RBKS: variants seen among roughly 807,000 people sequenced by gnomAD.
The protein encoded by RBKS is ribokinase.
In RBKS, 33 loss-of-function variants were observed where a neutral mutation model predicts 33.9. That is an observed-to-expected ratio of 0.97 (90% CI 0.74 to 1.30). RBKS has a LOEUF of 1.30. Among genes scored for constraint, RBKS ranks in the 50% most tolerant of loss-of-function variants. RBKS has a pLI of 0.00. For synonymous variants in RBKS, 125 were observed against 143.0 expected (o/e 0.87, Z 0.90); for missense variants, 361 against 392.6 (o/e 0.92, Z 0.68).
chr2:27,834,454 G>C (rs576959568), intron 5 of RBKS, among the ~76,000 whole-genome samples: 40 of 152,268 alleles, frequency 2.6e-4, no homozygotes, highest in African/African-American at 8.9e-4. Flanking sequence ...CAAATGTAAA[G>C]GATTATTACT....
chr2:27,878,946 C>T (rs1664369269), intron 1 of RBKS, among the ~76,000 whole-genome samples: 1 of 152,200 alleles, frequency 6.6e-6, no homozygotes, highest in African/African-American at 2.4e-5. Flanking sequence ...AAAACCTAAG[C>T]ACCTCAGCAT....
intron 7 of RBKS, among the ~76,000 whole-genome samples, chr2:27,786,639 G>A (rs1057350709): frequency 1.9e-4 from 29 of 152,216 alleles, no homozygotes; most frequent in African/African-American, 6.7e-4. Flanking sequence ...AAAATTAGCC[G>A]GGCGTGGTGG....
At chr2:27,866,961 G>T (rs1362823061) in intron 1 of RBKS, among the ~76,000 whole-genome samples, 1 of 151,996 alleles carries the variant, frequency 6.6e-6, no homozygotes, top group African/African-American at 2.4e-5. Context: ...AAAATTAGCT[G>T]GGTATGGTGG....
chr2:27,812,934 A>T (rs1330350616), intron 7 of RBKS, among the ~76,000 whole-genome samples: 1 of 152,134 alleles, frequency 6.6e-6, no homozygotes, highest in East Asian at 1.9e-4. Context: ...ATAGAGATAG[A>T]CCTGAAGAAC....
chr2:27,818,577 G>A (rs1678141617), intron 7 of RBKS, among the ~76,000 whole-genome samples: 1 of 152,182 alleles, frequency 6.6e-6, no homozygotes, highest in African/African-American at 2.4e-5. Context: ...TAACCTTTGA[G>A]AACCATAGTT....
chr2:27,874,448 CG>C (rs1447307359), intron 1 of RBKS, among the ~76,000 whole-genome samples: 3 of 152,128 alleles, frequency 2.0e-5, no homozygotes, highest in Non-Finnish European at 4.4e-5. Context: ...CTGTCCTGGG[CG>C]GAACTCACAT....
intron 1 of RBKS, among the ~76,000 whole-genome samples, chr2:27,862,421 T>C (rs1368060334): frequency 1.3e-5 from 2 of 152,218 alleles, no homozygotes; most frequent in Non-Finnish European, 2.9e-5. Flanking sequence ...AAGAATATTT[T>C]AGTGTATTAT....
chr2:27,830,906 C>A (rs1366692707), intron 6 of RBKS, among the ~76,000 whole-genome samples: 4 of 152,158 alleles, frequency 2.6e-5, no homozygotes, highest in Non-Finnish European at 5.9e-5. Flanking sequence ...GTCTCCTTCT[C>A]ACGGGAAGCT....
At chr2:27,860,967 CTT>C (rs1255136314) in intron 1 of RBKS, among the ~76,000 whole-genome samples, 13 of 143,402 alleles carry the variant, frequency 9.1e-5, no homozygotes, top group East Asian at 2.6e-4. Flanking sequence ...CTCTGTCTCT[CTT>C]TCTCTCTTTT....
intron 1 of RBKS, among the ~76,000 whole-genome samples, chr2:27,888,346 T>C (rs1245389455): frequency 6.6e-6 from 1 of 152,152 alleles, no homozygotes; most frequent in African/African-American, 2.4e-5. Flanking sequence ...TGGGCTGGTC[T>C]GAAACTCCTC....
At chr2:27,858,112 T>C (rs915984745) in intron 2 of RBKS, among the ~76,000 whole-genome samples, 2 of 152,184 alleles carry the variant, frequency 1.3e-5, no homozygotes, top group Admixed American at 6.5e-5. Flanking sequence ...AGGTACAAAA[T>C]GTCACATAAT....
In RBKS at chr2:27,810,537, A is replaced by T. The variant is rs78380547; in HGVS notation, c.795+17030T>A. 0.015 allele frequency among the ~76,000 whole-genome samples: 2,331 copies of T among 152,302 alleles called. 71 individuals carry two copies. Among genetic ancestry groups the T allele is most frequent in the African/African-American group, 0.053 (2,205 of 41,556 alleles). On this transcript the variant is annotated intron_variant, in intron 7 of 7. Transcript: ENST00000302188. This position sits in a 1 kb window ranked among gnomAD's most constrained non-coding sequence, Gnocchi z 4.4. ...TGCTATCTGCAGAGAATCACTGATG[A>T]CAGGAACTCTTTCTAGTGGGAGTAG...
chr2:27,884,438 G>C (rs888347907), intron 1 of RBKS, among the ~76,000 whole-genome samples: 7 of 152,060 alleles, frequency 4.6e-5, no homozygotes, highest in African/African-American at 1.7e-4. Context: ...GCGGAGACCG[G>C]GTTTTGCCAT....
intron 7 of RBKS, among the ~76,000 whole-genome samples, chr2:27,791,654 T>C (rs1356201557): frequency 5.1e-4 from 71 of 138,462 alleles, no homozygotes; most frequent in African/African-American, 1.7e-3. Flanking sequence ...TAAATATACA[T>C]ATACATATAC....
chr2:27,874,715 G>T (rs1664279040), intron 1 of RBKS, among the ~76,000 whole-genome samples: 1 of 152,134 alleles, frequency 6.6e-6, no homozygotes, highest in Non-Finnish European at 1.5e-5. Context: ...GCTTTTATCA[G>T]TAAGTCACTT....
intron 7 of RBKS, chr2:27,809,952 A>G (rs775646113): frequency 2.0e-5 from 26 of 1,304,030 alleles, no homozygotes; most frequent in Non-Finnish European, 2.5e-5. Context: ...ATCAGTAGGC[A>G]GTTGCTGTTA....
intron 7 of RBKS, among the ~76,000 whole-genome samples, chr2:27,797,659 G>A (rs376013518): frequency 8.5e-5 from 13 of 152,272 alleles, no homozygotes; most frequent in Middle Eastern, 3.4e-3. Flanking sequence ...CACTGCATGG[G>A]GGGTCCATTT....
chr2:27,873,831 CAAAA>C (rs67868536), intron 1 of RBKS, among the ~76,000 whole-genome samples: 1 of 150,200 alleles, frequency 6.7e-6, no homozygotes, highest in Non-Finnish European at 1.5e-5. Context: ...GGGAAACAAA[CAAAA>C]AAAAAACAAA....
chr2:27,800,170 A>G (rs527907522), intron 7 of RBKS, among the ~76,000 whole-genome samples: 1 of 149,758 alleles, frequency 6.7e-6, no homozygotes, highest in Admixed American at 6.7e-5. Context: ...CTCCCACTTC[A>G]GCCTCCTGAG....
Sources: allele counts gnomAD v4.1 joint callset (sites outside exome capture counted in the v4.1 genomes callset), GRCh38; gene constraint gnomAD v4.1.1; non-coding constraint Gnocchi (gnomAD v3.1); transcripts MANE v1.5; gene names NCBI Gene and HGNC (gene_info 2026-07-23, HGNC 2026-07-21).